The following RPGRIP1L variants were observed in gnomAD, a reference collection of about 807,000 sequenced individuals.
RPGRIP1L encodes the protein RPGRIP1 like.
RPGRIP1L carries 131 observed loss-of-function variants against 160.4 expected under a neutral mutation model. The ratio of observed to expected loss-of-function variants is 0.82; its 90% confidence interval spans 0.71 to 0.94. RPGRIP1L has a LOEUF of 0.94. Ranked by LOEUF, RPGRIP1L falls within the 40% of genes least tolerant of loss-of-function variation. The pLI, the probability that RPGRIP1L is intolerant of heterozygous loss-of-function variation, is 0.00. For missense variants in RPGRIP1L, 1,522 were observed against 1,535.8 expected (o/e 0.99, Z 0.15); for synonymous variants, 510 against 515.8 (o/e 0.99, Z 0.15).
At chr16:53,668,145 T>G (rs1968430606) in intron 9 of RPGRIP1L, among the ~76,000 whole-genome samples, 1 of 152,088 alleles carries the variant, frequency 6.6e-6, no homozygotes, top group Non-Finnish European at 1.5e-5. Context: ...GATATTTCAC[T>G]TACTGAAAGA....
At chr16:53,622,799 C>CCACA (rs201959082) in intron 22 of RPGRIP1L, among the ~76,000 whole-genome samples, 4,828 of 135,826 alleles carry the variant, frequency 0.036, 151 homozygotes, top group African/African-American at 0.092. Context: ...AAAACAAAAA[C>CCACA]CACACACACA....
chr16:53,612,013 T>C (rs1964078685), intron 24 of RPGRIP1L, among the ~76,000 whole-genome samples: 1 of 152,214 alleles, frequency 6.6e-6, no homozygotes, highest in African/African-American at 2.4e-5. Flanking sequence ...TCTTTTATGT[T>C]GAAAATGTTT....
In RPGRIP1L at chr16:53,645,210, T is replaced by C. The variant is rs538571045; in HGVS notation, c.2683+415A>G. ...TATTTTCTCTCTTCTCTTACTTCTCTTAACCTCTTTAAAGAATATAAGATT... is the reference window on the plus strand; with the variant it reads ...TATTTTCTCTCTTCTCTTACTTCTCCTAACCTCTTTAAAGAATATAAGATT... On this transcript the variant is annotated intron_variant, in intron 17 of 26. Transcript: ENST00000647211. 7.2e-5 allele frequency among the ~76,000 whole-genome samples: 11 copies of C among 152,216 alleles called. No homozygotes were observed. In the East Asian group the frequency reaches 1.7e-3, roughly 24 times the overall value.
intron 3 of RPGRIP1L, among the ~76,000 whole-genome samples, chr16:53,693,105 G>T (rs1011467398): frequency 2.1e-4 from 32 of 152,134 alleles, no homozygotes; most frequent in African/African-American, 7.7e-4. Flanking sequence ...GCACATGGGG[G>T]TGATGTAATA....
intron 6 of RPGRIP1L, among the ~76,000 whole-genome samples, chr16:53,685,506 A>G (rs971217563): frequency 1.3e-5 from 2 of 152,260 alleles, no homozygotes; most frequent in African/African-American, 4.8e-5. Flanking sequence ...CATACATACC[A>G]TGGAATACTA....
chr16:53,657,498 T>C lies in RPGRIP1L; in HGVS notation c.1536A>G (p.Thr512=), dbSNP rs1020243535. 6.2e-7 allele frequency: 1 copy of C among 1,613,248 alleles called. No individual in the cohort carries two copies. The highest frequency in any genetic ancestry group is 8.5e-7 in the Non-Finnish European group (1 of 1,179,508). Residue 512 remains threonine, a synonymous_variant, in exon 13 of 27, where the codon ACA becomes ACG. Coordinates refer to ENST00000647211, the MANE Select transcript of RPGRIP1L (RefSeq NM_015272.5). The part of the protein sequence containing the change: ...HAETVQELEK[T]RNMLIMQHKI... ...TGTGTTGCATAATTAGCATGTTTCTTGTCTTTTCCAGCTCTTGCACCGTTT... is the reference window on the plus strand; with the variant it reads ...TGTGTTGCATAATTAGCATGTTTCTCGTCTTTTCCAGCTCTTGCACCGTTT...
At chr16:53,702,686 T>C (rs1232356581) in intron 1 of RPGRIP1L, among the ~76,000 whole-genome samples, 1 of 148,960 alleles carries the variant, frequency 6.7e-6, no homozygotes, top group Non-Finnish European at 1.5e-5. Context: ...TCTTTTCTTT[T>C]CTTTTTTTTT....
chr16:53,650,794 TG>T lies in RPGRIP1L; in HGVS notation c.2153-1680del, dbSNP rs1966846901. Among the ~76,000 whole-genome samples the T allele has an allele frequency of 2.0e-5, 3 of 152,312 alleles. No individual in the cohort carries two copies. The South Asian group carries it at 6.2e-4, about 32-fold the overall frequency. On this transcript the variant is annotated intron_variant, in intron 15 of 26. Coordinates refer to ENST00000647211, the MANE Select transcript of RPGRIP1L (RefSeq NM_015272.5). The stretch of plus-strand genomic sequence containing the variant: ...TCAAATACTTTCTTCACTTGGTCTC[TG>T]GGGTACCACAGACTCGTTTTCCTCC...
At chr16:53,654,239 C>CT (rs745321275) in intron 14 of RPGRIP1L, among the ~76,000 whole-genome samples, 41 of 152,164 alleles carry the variant, frequency 2.7e-4, no homozygotes, top group Non-Finnish European at 5.7e-4. Flanking sequence ...TAATAAGCTT[C>CT]TACCTCATCA....
chr16:53,630,398 C>T (rs1422658460), intron 22 of RPGRIP1L, among the ~76,000 whole-genome samples: 2 of 152,014 alleles, frequency 1.3e-5, no homozygotes, highest in Non-Finnish European at 2.9e-5. Flanking sequence ...AAAATTTATT[C>T]ATTAGTTTGG....
At position 53,634,067 on chromosome 16, in the gene RPGRIP1L, G is replaced by A. The variant is rs569726881; in HGVS notation, c.3294+2372C>T. On this transcript the variant is annotated intron_variant, in intron 22 of 26. Transcript: ENST00000647211. ...TGGGAAGTCCAAGATCAAGGTGTCA[G>A]CAGGTTTGGTGTTTAGTGAGGGCTG... Among the ~76,000 whole-genome samples, 16 of 152,304 alleles carry A rather than the reference G, an allele frequency of 1.1e-4. No homozygotes were observed. In the South Asian group the frequency reaches 3.1e-3, roughly 30 times the overall value.
At chr16:53,619,271 T>C in intron 23 of RPGRIP1L, 63 bp from the exon 24 acceptor site, 1 of 1,459,534 alleles carries the variant, frequency 6.9e-7, no homozygotes, top group Non-Finnish European at 9.5e-7. Flanking sequence ...AAAGATCCAC[T>C]ATTACTTTCC....
intron 6 of RPGRIP1L, among the ~76,000 whole-genome samples, chr16:53,682,803 C>T (rs576843900): frequency 1.3e-5 from 2 of 152,208 alleles, no homozygotes; most frequent in East Asian, 3.9e-4. Flanking sequence ...TAAAGTAGGC[C>T]AAATCTAAAT....
intron 2 of RPGRIP1L, 92 bp downstream of exon 2, chr16:53,700,547 T>G: frequency 1.0e-6 from 1 of 962,268 alleles, no homozygotes; most frequent in Non-Finnish European, 1.7e-6. Flanking sequence ...GTTACTTAAA[T>G]GGTTTGGTTT....
chr16:53,602,257 A>G, intron 26 of RPGRIP1L, 69 bp from the exon 27 acceptor site: 3 of 991,968 alleles, frequency 3.0e-6, no homozygotes, highest in Non-Finnish European at 3.2e-6. Flanking sequence ...GCTCGCAGAC[A>G]GAAACAGTAG....
intron 16 of RPGRIP1L, among the ~76,000 whole-genome samples, chr16:53,648,624 G>GCACA (rs1285147301): frequency 0.031 from 3,306 of 106,734 alleles, 127 homozygotes; most frequent in African/African-American, 0.078. Context: ...GCGCGCGCGC[G>GCACA]CGCACACACA....
chr16:53,645,527 G>C (rs991955032), intron 17 of RPGRIP1L, 98 bp downstream of exon 17: 2 of 1,144,482 alleles, frequency 1.7e-6, no homozygotes, highest in African/African-American at 1.6e-5. Context: ...ACTGAGAAGA[G>C]GTTAGGGTGA....
chr16:53,661,703 A>G (rs1206890033), intron 10 of RPGRIP1L, among the ~76,000 whole-genome samples: 2 of 152,010 alleles, frequency 1.3e-5, no homozygotes, highest in African/African-American at 2.4e-5. Context: ...TTTTCTTTCA[A>G]TTTTTCAGAG....
At chr16:53,651,954 T>A (rs903740853) in intron 15 of RPGRIP1L, among the ~76,000 whole-genome samples, 1 of 151,940 alleles carries the variant, frequency 6.6e-6, no homozygotes, top group Admixed American at 6.6e-5. Flanking sequence ...TACAGTTCAA[T>A]ACATAAATTA....
Sources: gnomAD v4.1 joint callset for allele counts (sites outside exome capture counted in the v4.1 genomes callset) on GRCh38, gnomAD v4.1.1 for gene constraint, MANE v1.5 for transcripts, NCBI Gene and HGNC (gene_info 2026-07-23, HGNC 2026-07-21) for gene names.